Variants in WDR72 observed in about 807,000 individuals in gnomAD.
WDR72 encodes WD repeat-containing protein 72.
In WDR72, 120 loss-of-function variants were observed where a neutral mutation model predicts 124.2. The observed-to-expected ratio is 0.97, with a 90% confidence interval of 0.83 to 1.12. The LOEUF (loss-of-function observed/expected upper bound fraction) is 1.12, where lower values mean the gene tolerates loss of function less well. WDR72 is among the 50% of genes most tolerant of loss of function. The probability of loss-of-function intolerance (pLI) is 0.00; values close to 1 mark genes in which losing one functional copy is unlikely to be tolerated. For missense variants in WDR72, 1,387 were observed against 1,278.8 expected, an observed-to-expected ratio of 1.08 and a Z score of -1.29; for synonymous variants, 452 against 441.7, an observed-to-expected ratio of 1.02 and a Z score of -0.29.
intron 17 of WDR72, among the ~76,000 whole-genome samples, chr15:53,597,678 T>C (rs1047097125): frequency 1.4e-4 from 22 of 152,206 alleles, no homozygotes; most frequent in Non-Finnish European, 7.3e-5. Flanking sequence ...CTCCAAAGCA[T>C]TATTTAAATA....
chr15:53,706,953 T>C lies in WDR72; in HGVS notation c.955-879A>G, dbSNP rs556942739. 4.6e-5 allele frequency among the ~76,000 whole-genome samples: 7 copies of C among 152,300 alleles called. No individual in the cohort carries two copies. In the East Asian group the frequency reaches 1.2e-3, roughly 25 times the overall value. On this transcript the variant is annotated intron_variant, in intron 9 of 19. Coordinates refer to ENST00000360509, the MANE Select transcript of WDR72 (RefSeq NM_182758.4). ...GTTTTTAAAGCTATGCCTTCACTCA[T>C]GAATGCATTTAGAGCATCCCTAGTC...
intron 14 of WDR72, among the ~76,000 whole-genome samples, chr15:53,652,913 C>T (rs1280836385): frequency 1.3e-5 from 2 of 152,104 alleles, no homozygotes; most frequent in African/African-American, 4.8e-5. Flanking sequence ...CTATTTAATA[C>T]ACTTTTTCTT....
intron 18 of WDR72, among the ~76,000 whole-genome samples, chr15:53,553,915 T>C (rs1444232909): frequency 6.6e-6 from 1 of 152,194 alleles, no homozygotes; most frequent in Non-Finnish European, 1.5e-5. Flanking sequence ...TATCCATCCC[T>C]ACAATTTTAA....
At chr15:53,597,381 A>G in intron 17 of WDR72, 107 bp from the exon 18 acceptor site, 1 of 1,110,696 alleles carries the variant, frequency 9.0e-7, no homozygotes, top group Non-Finnish European at 1.3e-6. Flanking sequence ...GGTTTCCATA[A>G]ACGATAACTT....
At chr15:53,657,132 C>CGG (rs2015451590) in intron 14 of WDR72, among the ~76,000 whole-genome samples, 1 of 151,642 alleles carries the variant, frequency 6.6e-6, no homozygotes, top group Non-Finnish European at 1.5e-5. Flanking sequence ...GTTGTGGTGG[C>CGG]ATGCACTTGT....
In WDR72 at chr15:53,523,266, C is replaced by T. The variant is rs549997856; in HGVS notation, c.3205G>A (p.Val1069Met). The T allele has an allele frequency of 9.3e-6, 15 of 1,613,002 alleles. No individual in the cohort carries two copies. The highest frequency in any genetic ancestry group is 1.3e-5 in the African/African-American group (1 of 74,814). ...GCACATCTGTCAGGCATGTCCTCCA[C>T]GTCTTGGAAGTTTGCCGAGTTTGAG... Reference protein sequence around the residue: ...SNSNSANFQDVEDMPDRCALE... With the variant: ...SNSNSANFQDMEDMPDRCALE... Residue 1069 changes from valine (V) to methionine (M), a missense_variant, in exon 19 of 20, where the codon GTG (valine) becomes ATG (methionine). Transcript: ENST00000360509.
intron 2 of WDR72, among the ~76,000 whole-genome samples, chr15:53,726,410 G>A (rs1398464241): frequency 6.6e-6 from 1 of 151,122 alleles, no homozygotes; most frequent in South Asian, 2.1e-4. Context: ...AGTCAGTTTT[G>A]CTTTAAACCT....
At chr15:53,664,435 G>T (rs2015710171) in intron 14 of WDR72, among the ~76,000 whole-genome samples, 1 of 151,580 alleles carries the variant, frequency 6.6e-6, no homozygotes, top group East Asian at 1.9e-4. Flanking sequence ...AAGATTACAT[G>T]CTAGCACCCC....
Position 53,722,920 on chromosome 15 carries a change from G to C in WDR72, c.154-12C>G. 3.1e-6 allele frequency: 5 copies of C among 1,606,070 alleles called. No individual in the cohort carries two copies. Among genetic ancestry groups the C allele is most frequent in the Non-Finnish European group, 4.3e-6 (5 of 1,172,796 alleles). On this transcript the variant is annotated splice_polypyrimidine_tract_variant and intron_variant, in intron 2 of 19. Coordinates refer to ENST00000360509, the MANE Select transcript of WDR72 (RefSeq NM_182758.4). ...TCTTTCGCTGAAATCTGAAAATAAT[G>C]AGAGTGAGCTTTTAAATAATTGTAA...
intron 14 of WDR72, among the ~76,000 whole-genome samples, chr15:53,636,165 A>C (rs2014615589): frequency 6.6e-6 from 1 of 152,186 alleles, no homozygotes; most frequent in Non-Finnish European, 1.5e-5. Flanking sequence ...TCAAATTTTA[A>C]TGTCTTTGTC....
rs750593363 is a variant in WDR72 at position 53,705,163 on chromosome 15, A to C, written c.1173T>G (p.Ile391Met). The C allele has an allele frequency of 1.2e-6, 2 of 1,614,088 alleles. No individual in the cohort carries two copies. Among genetic ancestry groups the C allele is most frequent in the Non-Finnish European group, 1.7e-6 (2 of 1,180,008 alleles). The part of the protein sequence containing the change: ...FDKHDTMSQS[I>M]IDYFSGLKDG... ...CTTTAAGCCCAGAGAAATAGTCAAT[A>C]ATACTTTGTGACATAGTATCATGCT... Residue 391 changes from isoleucine to methionine, a missense_variant, in exon 11 of 20, where the codon ATT becomes ATG. Ile to Met is a conservative substitution (Grantham distance 10). Transcript: ENST00000360509.
chr15:53,563,811 C>G (rs1595762526), intron 18 of WDR72, among the ~76,000 whole-genome samples: 1 of 151,696 alleles, frequency 6.6e-6, no homozygotes, highest in African/African-American at 2.4e-5. Context: ...TTCAATCTTT[C>G]CAATCACTTA....
At chr15:53,612,334 T>C (rs2013575884) in intron 16 of WDR72, among the ~76,000 whole-genome samples, 1 of 152,128 alleles carries the variant, frequency 6.6e-6, no homozygotes, top group African/African-American at 2.4e-5. Context: ...TGAGATTTTT[T>C]AAAGTAACAG....
intron 13 of WDR72, among the ~76,000 whole-genome samples, chr15:53,671,532 T>C (rs914010598): frequency 2.0e-5 from 3 of 152,142 alleles, no homozygotes; most frequent in Admixed American, 6.6e-5. Flanking sequence ...ACCGAAGAAA[T>C]TGAAGAATTT....
intron 14 of WDR72, among the ~76,000 whole-genome samples, chr15:53,655,758 G>A (rs958870909): frequency 7.9e-5 from 12 of 151,660 alleles, no homozygotes; most frequent in Non-Finnish European, 1.8e-4. Flanking sequence ...TGTGGCACAA[G>A]CTTGGCTCAC....
At chr15:53,550,422 A>G (rs899711721) in intron 18 of WDR72, among the ~76,000 whole-genome samples, 2 of 152,218 alleles carry the variant, frequency 1.3e-5, no homozygotes, top group Non-Finnish European at 2.9e-5. Context: ...TAGTGCATCA[A>G]GCCACCAGCT....
At chr15:53,634,552 G>A (rs1384939411) in intron 14 of WDR72, among the ~76,000 whole-genome samples, 1 of 152,172 alleles carries the variant, frequency 6.6e-6, no homozygotes, top group Non-Finnish European at 1.5e-5. Flanking sequence ...TTTGTTTTGG[G>A]CCCCATTCAA....
intron 14 of WDR72, among the ~76,000 whole-genome samples, chr15:53,634,820 C>T (rs367844989): frequency 2.6e-5 from 4 of 152,130 alleles, no homozygotes; most frequent in Non-Finnish European, 5.9e-5. Context: ...CAAGGTGGTG[C>T]CAGTAGGGCT....
intron 18 of WDR72, among the ~76,000 whole-genome samples, chr15:53,527,666 AGAT>A (rs1231983080): frequency 1.3e-4 from 20 of 152,106 alleles, no homozygotes; most frequent in African/African-American, 4.3e-4. Context: ...ATTAATTAAA[AGAT>A]AGAGCAGTTT....
Sources: gnomAD v4.1 joint callset for allele counts (sites outside exome capture counted in the v4.1 genomes callset) on GRCh38, gnomAD v4.1.1 for gene constraint, MANE v1.5 for transcripts, NCBI Gene and HGNC (gene_info 2026-07-23, HGNC 2026-07-21) for gene names.